The following SIN3A variants were observed in gnomAD, a reference collection of about 807,000 sequenced individuals.
SIN3A encodes the protein paired amphipathic helix protein Sin3a.
SIN3A carries 14 observed loss-of-function variants against 146.1 expected under a neutral mutation model. The observed-to-expected ratio is 0.10, with a 90% CI of 0.06 to 0.15. The LOEUF (loss-of-function observed/expected upper bound fraction) is 0.15. Ranked by LOEUF, SIN3A falls within the 10% of genes least tolerant of loss-of-function variation. The probability of loss-of-function intolerance (pLI) is 1.00; values close to 1 mark genes in which losing one functional copy is unlikely to be tolerated. For synonymous variants in SIN3A, 572 were observed against 572.0 expected, an observed-to-expected ratio of 1.00 and a Z score of 0.00; for missense variants, 1,028 against 1,576.0, an observed-to-expected ratio of 0.65 and a Z score of 5.89.
upstream of SIN3A, chr15:75,453,679 A>G (rs1243014157): frequency 6.6e-6 from 1 of 152,308 alleles, no homozygotes; most frequent in East Asian, 1.9e-4. Flanking sequence ...AGACACTTGC[A>G]GCGTCTGCAG....
intron 1 of SIN3A, among the ~76,000 whole-genome samples, chr15:75,436,951 G>C (rs1419116780): frequency 6.6e-6 from 1 of 152,206 alleles, no homozygotes; most frequent in African/African-American, 2.4e-5. Flanking sequence ...AATTAAAATA[G>C]TAAGTTTAGA....
chr15:75,381,697 A>T lies in SIN3A; in HGVS notation c.3204T>A (p.Phe1068Leu). Residue 1068 changes from phenylalanine (F) to leucine (L), a missense_variant, in exon 18 of 21, where the codon TTT becomes TTA. Around this residue, in one of 9 missense-constraint regions of SIN3A, gnomAD observed 488 missense variants for 690.2 expected, o/e 0.71. Coordinates refer to ENST00000394947, the MANE Select transcript of SIN3A (RefSeq NM_001145358.2). ...GCTGGACCTGGCCTTGGCTCTGAAT[A>T]AACATAAGCTGCAAATAAGAAACCT... ...MSDENCFKLM[F>L]IQSQGQVQLT... 6.2e-7 allele frequency: 1 copy of T among 1,613,366 alleles called. No individual in the cohort carries two copies. Among genetic ancestry groups the T allele is most frequent in the Non-Finnish European group, 8.5e-7 (1 of 1,179,504 alleles).
intron 6 of SIN3A, 51 bp downstream of exon 6, chr15:75,411,441 A>G (rs376259176): frequency 1.9e-6 from 3 of 1,546,206 alleles, no homozygotes; most frequent in Non-Finnish European, 2.6e-6. Flanking sequence ...ATTGGACTAG[A>G]TGCCCTAAGA....
chr15:75,433,388 A>C (rs1287546076), intron 1 of SIN3A, among the ~76,000 whole-genome samples: 1 of 152,174 alleles, frequency 6.6e-6, no homozygotes, highest in Non-Finnish European at 1.5e-5. Context: ...ACTATGGTTT[A>C]TTCTGATATC....
chr15:75,419,425 A>G (rs1413455176), intron 3 of SIN3A: 2 of 152,250 alleles, frequency 1.3e-5, no homozygotes, highest in Admixed American at 1.3e-4. Flanking sequence ...AGAGACGGAA[A>G]AAGTACAGAA....
At chr15:75,433,335 AAAG>A (rs2074047291) in intron 1 of SIN3A, among the ~76,000 whole-genome samples, 1 of 152,214 alleles carries the variant, frequency 6.6e-6, no homozygotes. Context: ...CTATAAGGAA[AAAG>A]AAGATTGTAG....
At chr15:75,387,733 A>T (rs953095861) in intron 16 of SIN3A, among the ~76,000 whole-genome samples, 4 of 152,100 alleles carry the variant, frequency 2.6e-5, no homozygotes, top group African/African-American at 9.7e-5. Flanking sequence ...GGTATGAAAG[A>T]CTTCGTTCCT....
Position 75,414,280 on chromosome 15 carries a change from A to G in SIN3A, c.398T>C (p.Val133Ala). Residue 133 changes from valine to alanine, a missense_variant, in exon 4 of 21, where the codon GTG becomes GCG. This residue lies in a region of SIN3A where 152 missense variants were observed against 231.5 expected (regional missense o/e 0.66). Transcript: ENST00000394947. ...AGGCTGACTACCAAACTGCAGCTTC[A>G]CCTGGTCAAGATAAGATAGCGCATC... is the stretch of plus-strand genomic sequence containing the variant. Reference protein sequence around the residue: ...VEDALSYLDQVKLQFGSQPQV... With the variant: ...VEDALSYLDQAKLQFGSQPQV... The G allele has an allele frequency of 6.4e-7, 1 of 1,557,912 alleles. No individual in the cohort carries two copies. Among genetic ancestry groups the G allele is most frequent in the African/African-American group, 1.3e-5 (1 of 74,518 alleles).
intron 9 of SIN3A, among the ~76,000 whole-genome samples, chr15:75,402,845 G>A (rs1357224038): frequency 6.6e-6 from 1 of 152,004 alleles, no homozygotes; most frequent in African/African-American, 2.4e-5. Flanking sequence ...GTATTGGCTA[G>A]GCTAGTCTCA....
intron 3 of SIN3A, among the ~76,000 whole-genome samples, chr15:75,417,248 A>G: frequency 6.6e-6 from 1 of 152,108 alleles, no homozygotes; most frequent in East Asian, 1.9e-4. Flanking sequence ...GGTGTTTCCT[A>G]TTTACTCTGA....
chr15:75,423,401 G>A (rs911819468), intron 2 of SIN3A, among the ~76,000 whole-genome samples: 5 of 152,130 alleles, frequency 3.3e-5, no homozygotes, highest in African/African-American at 7.2e-5. Flanking sequence ...TTATATAGCC[G>A]GGCACGGTGG....
intron 1 of SIN3A, among the ~76,000 whole-genome samples, chr15:75,448,788 C>T (rs1243470760): frequency 2.0e-5 from 3 of 152,110 alleles, no homozygotes; most frequent in Non-Finnish European, 4.4e-5. Flanking sequence ...CACAGCTCTC[C>T]AGTGTCTTGT....
rs1391590416 is a variant in SIN3A at position 75,422,781 on chromosome 15, T to C, written c.232A>G (p.Ile78Val). ...TGATGGCTGCTATGAACTGCTGCTA[T>C]AGCGGGCCCATGACTGCCGGAGCTC... ...PQSSGSHGPA[I>V]AAVHSSHHHP... is the part of the protein sequence containing the mutation. The change falls in exon 3 of 21, where the codon ATA becomes GTA. Residue 78 changes from isoleucine (I) to valine (V), a missense_variant. This residue lies in a region of SIN3A where 152 missense variants were observed against 231.5 expected (regional missense o/e 0.66). Coordinates refer to ENST00000394947, the MANE Select transcript of SIN3A (RefSeq NM_001145358.2). 3 of 1,614,148 alleles carry C rather than the reference T, an allele frequency of 1.9e-6. No homozygotes were observed. The highest frequency in any genetic ancestry group is 2.2e-5 in the East Asian group (1 of 44,886).
At chr15:75,407,926 C>G (rs1459127345) in intron 8 of SIN3A, among the ~76,000 whole-genome samples, 2 of 140,756 alleles carry the variant, frequency 1.4e-5, no homozygotes, top group African/African-American at 5.3e-5. Context: ...AAAAAAGGCA[C>G]GCCAGCAATA....
At chr15:75,405,310 G>A (rs2073490135) in intron 9 of SIN3A, among the ~76,000 whole-genome samples, 1 of 150,518 alleles carries the variant, frequency 6.6e-6, no homozygotes, top group African/African-American at 2.4e-5. Flanking sequence ...AGGTTGCACT[G>A]AGCCAAGATC....
intron 19 of SIN3A, among the ~76,000 whole-genome samples, chr15:75,376,990 G>A (rs1284285361): frequency 6.6e-6 from 1 of 151,938 alleles, no homozygotes; most frequent in Non-Finnish European, 1.5e-5. Context: ...GGAGATCTGT[G>A]AGATCAAAAC....
chr15:75,420,839 G>T, intron 3 of SIN3A: 1 of 152,176 alleles, frequency 6.6e-6, no homozygotes, highest in East Asian at 1.9e-4. Context: ...CATCAGAAAG[G>T]AAATTCAACA....
At chr15:75,421,875 T>A (rs2073844468) in intron 3 of SIN3A, 1 of 152,208 alleles carries the variant, frequency 6.6e-6, no homozygotes, top group Non-Finnish European at 1.5e-5. Context: ...TCTCCAGGGA[T>A]GCCTCATGAA....
At chr15:75,454,027 G>T (rs2074450671), upstream of SIN3A, 1 of 152,260 alleles carries the variant, frequency 6.6e-6, no homozygotes, top group East Asian at 1.9e-4. Context: ...GCGGAGGGAG[G>T]CGGGGAGCAA....
Sources: allele counts gnomAD v4.1 joint callset (sites outside exome capture counted in the v4.1 genomes callset), GRCh38; gene constraint gnomAD v4.1.1; regional missense constraint gnomAD v4.1.1; transcripts MANE v1.5; gene names NCBI Gene and HGNC (gene_info 2026-07-23, HGNC 2026-07-21).